Variants in IPMK observed in about 807,000 individuals in gnomAD.
IPMK encodes the protein inositol polyphosphate multikinase.
IPMK carries 17 observed loss-of-function variants against 45.8 expected under a neutral mutation model. That is an observed-to-expected ratio of 0.37 (90% CI 0.25 to 0.56). IPMK has a LOEUF of 0.56. Among genes scored for constraint, IPMK ranks in the 20% least tolerant of loss-of-function variants. The probability of loss-of-function intolerance (pLI) is 0.79; values close to 1 mark genes in which losing one functional copy is unlikely to be tolerated. For synonymous variants in IPMK, 180 were observed against 184.3 expected (o/e 0.98, Z 0.19); for missense variants, 399 against 498.0 (o/e 0.80, Z 1.89).
chr10:58,256,002 C>A (rs1290246754), intron 1 of IPMK, among the ~76,000 whole-genome samples: 1 of 152,170 alleles, frequency 6.6e-6, no homozygotes, highest in Non-Finnish European at 1.5e-5. Flanking sequence ...ATCCCATCAT[C>A]TTCATAACCT....
chr10:58,238,128 A>G (rs1838641661), intron 1 of IPMK, among the ~76,000 whole-genome samples: 2 of 152,350 alleles, frequency 1.3e-5, no homozygotes, highest in African/African-American at 2.4e-5. Flanking sequence ...GGCTTTCTGT[A>G]AGATGTTAAC....
intron 1 of IPMK, among the ~76,000 whole-genome samples, chr10:58,254,126 T>C (rs1033000019): frequency 6.6e-6 from 1 of 152,314 alleles, no homozygotes; most frequent in Non-Finnish European, 1.5e-5. Flanking sequence ...AAATATACCT[T>C]CTAGGCCTTT....
intron 4 of IPMK, among the ~76,000 whole-genome samples, chr10:58,204,647 T>G (rs1431863027): frequency 6.6e-6 from 1 of 151,948 alleles, no homozygotes; most frequent in Non-Finnish European, 1.5e-5. Context: ...ATTTAAAAAT[T>G]AGTTGGGTGT....
intron 2 of IPMK, among the ~76,000 whole-genome samples, chr10:58,235,083 T>C (rs7912198): frequency 0.34 from 51,507 of 152,094 alleles, 10,972 homozygotes; most frequent in African/African-American, 0.61. Context: ...TCAGCACTGG[T>C]CATCAGAGCA....
chr10:58,267,815 G>A lies in IPMK; in HGVS notation c.-204C>T, dbSNP rs1355344150. The A allele has an allele frequency of 3.9e-6, 2 of 509,260 alleles. No homozygotes were observed. The highest frequency in any genetic ancestry group is 6.9e-6 in the Non-Finnish European group (2 of 291,372). 31.5% of individuals were successfully genotyped at this position (509,260 alleles called of 1,614,324 possible). A position where few individuals can be genotyped will look rare whatever the true frequency, so the allele number is the denominator to read the frequency against. Reference sequence around the variant, plus strand: ...TCCTCTGCCCAACTCTCGGCGGAACGCGGCTCCCGGCTCCTGTTCCTCTGC... The same window carrying A: ...TCCTCTGCCCAACTCTCGGCGGAACACGGCTCCCGGCTCCTGTTCCTCTGC... On this transcript the variant is annotated 5_prime_UTR_variant, in exon 1 of 6. Coordinates refer to ENST00000373935, the MANE Select transcript of IPMK (RefSeq NM_152230.5).
intron 1 of IPMK, among the ~76,000 whole-genome samples, chr10:58,258,399 G>A (rs1337921024): frequency 6.6e-6 from 1 of 152,152 alleles, no homozygotes; most frequent in Non-Finnish European, 1.5e-5. Flanking sequence ...CCTGCAGAAT[G>A]AATGCTATAT....
intron 2 of IPMK, among the ~76,000 whole-genome samples, chr10:58,231,564 A>G (rs931403368): frequency 2.6e-5 from 4 of 152,218 alleles, no homozygotes; most frequent in Non-Finnish European, 5.9e-5. Flanking sequence ...AGAATTTCAT[A>G]TCCAGCCAAA....
intron 1 of IPMK, among the ~76,000 whole-genome samples, chr10:58,238,793 T>G (rs952625592): frequency 4.0e-4 from 61 of 152,082 alleles, no homozygotes; most frequent in African/African-American, 1.3e-3. Context: ...AAATGCAGAA[T>G]TCAGCCAACA....
At chr10:58,247,675 G>A (rs1003882426) in intron 1 of IPMK, among the ~76,000 whole-genome samples, 44 of 152,142 alleles carry the variant, frequency 2.9e-4, no homozygotes, top group African/African-American at 1.1e-3. Flanking sequence ...GGAGGGGTGA[G>A]GGATAGCATT....
At position 58,196,206 on chromosome 10, in the gene IPMK, T is replaced by C. The variant is rs759662679; in HGVS notation, c.1121A>G (p.Gln374Arg). ...KVFYHLPTGC[Q>R]EIAEVEVRMI... is the part of the protein sequence containing the mutation. Reference sequence around the variant, plus strand: ...TCGCACTTCTACTTCAGCAATCTCTTGGCAACCAGTGGGAAGATGGTAGAA... The same window carrying C: ...TCGCACTTCTACTTCAGCAATCTCTCGGCAACCAGTGGGAAGATGGTAGAA... The change falls in exon 6 of 6, where the codon CAA (glutamine) becomes CGA (arginine). Residue 374 changes from glutamine (Q) to arginine (R), a missense_variant. Transcript: ENST00000373935. 6.2e-7 allele frequency: 1 copy of C among 1,614,156 alleles called. No individual in the cohort carries two copies. The highest frequency in any genetic ancestry group is 1.1e-5 in the South Asian group (1 of 91,086).
At chr10:58,213,502 G>A (rs1588955400) in intron 4 of IPMK, among the ~76,000 whole-genome samples, 1 of 152,138 alleles carries the variant, frequency 6.6e-6, no homozygotes, top group South Asian at 2.1e-4. Flanking sequence ...GGCTAACATG[G>A]TGAAATCCCA....
At chr10:58,246,684 C>G (rs1279537750) in intron 1 of IPMK, among the ~76,000 whole-genome samples, 1 of 150,740 alleles carries the variant, frequency 6.6e-6, no homozygotes, top group African/African-American at 2.5e-5. Context: ...AACGCTAGAC[C>G]TAAAACCATA....
At chr10:58,245,769 C>T (rs1564538136) in intron 1 of IPMK, among the ~76,000 whole-genome samples, 1 of 150,836 alleles carries the variant, frequency 6.6e-6, no homozygotes, top group African/African-American at 2.5e-5. Flanking sequence ...TCTCTCACCA[C>T]TCCTATTCAA....
intron 4 of IPMK, among the ~76,000 whole-genome samples, chr10:58,211,919 A>AAAAAAAAAAAAAAAAAAT (rs967150743): frequency 6.1e-5 from 9 of 148,284 alleles, no homozygotes; most frequent in African/African-American, 2.4e-4. Context: ...AAAAAAAAAA[A>AAAAAAAAAAAAAAAAAAT]AAAAAATTTG....
chr10:58,260,179 G>A (rs1048777879), intron 1 of IPMK, among the ~76,000 whole-genome samples: 2 of 152,038 alleles, frequency 1.3e-5, no homozygotes, highest in Non-Finnish European at 2.9e-5. Context: ...ATATAATCAT[G>A]ACAAAACAAT....
At chr10:58,222,336 T>C (rs1289968063) in intron 3 of IPMK, among the ~76,000 whole-genome samples, 3 of 152,206 alleles carry the variant, frequency 2.0e-5, no homozygotes, top group South Asian at 4.1e-4. Flanking sequence ...AGGCAGAATT[T>C]TGAATATTAG....
chr10:58,264,806 T>A (rs1839125193), intron 1 of IPMK, among the ~76,000 whole-genome samples: 1 of 152,140 alleles, frequency 6.6e-6, no homozygotes, highest in African/African-American at 2.4e-5. Flanking sequence ...AAAATATAGG[T>A]ATAATACATG....
At position 58,228,175 on chromosome 10, in the gene IPMK, C is replaced by T. The variant is rs11006085; in HGVS notation, c.277-1036G>A. Among the ~76,000 whole-genome samples the T allele has an allele frequency of 1.8e-3, 281 of 152,190 alleles. 6 individuals are homozygous for T. The East Asian group carries it at 0.045, about 24-fold the overall frequency. On this transcript the variant is annotated intron_variant, in intron 2 of 5. Transcript: ENST00000373935. ...GTCCCTCTATTCCTAGCACAATGAC[C>T]GTGGGTGCAGTGCTGAGGATGAGCT...
At chr10:58,243,737 G>A (rs1049292549) in intron 1 of IPMK, among the ~76,000 whole-genome samples, 20 of 152,138 alleles carry the variant, frequency 1.3e-4, no homozygotes, top group Admixed American at 3.3e-4. Context: ...CCTCCCAGCC[G>A]CGTGCCTTGG....
Sources: allele counts gnomAD v4.1 joint callset (sites outside exome capture counted in the v4.1 genomes callset), GRCh38; gene constraint gnomAD v4.1.1; transcripts MANE v1.5; gene names NCBI Gene and HGNC (gene_info 2026-07-23, HGNC 2026-07-21).